PIGG: variants seen among roughly 807,000 people sequenced by gnomAD.
PIGG encodes the protein phosphatidylinositol glycan anchor biosynthesis class G (EMM blood group).
Under a neutral mutation model 83.2 loss-of-function variants are expected in PIGG, and 70 were observed. That is an observed-to-expected ratio of 0.84 (90% CI 0.69 to 1.03). The LOEUF (loss-of-function observed/expected upper bound fraction) is 1.03. Ranked by LOEUF, PIGG falls within the 50% of genes least tolerant of loss-of-function variation. The pLI is 0.00. For synonymous variants in PIGG, 532 were observed against 519.5 expected (o/e 1.02, Z -0.33); for missense variants, 1,257 against 1,233.6 (o/e 1.02, Z -0.28).
chr4:536,240 G>T, intron 12 of PIGG: 1 of 152,424 alleles, frequency 6.6e-6, no homozygotes, highest in Non-Finnish European at 1.5e-5. Context: ...AGCAGTGATA[G>T]GCGCGTGCCT....
intron 12 of PIGG, among the ~76,000 whole-genome samples, chr4:536,079 T>C (rs11940914): frequency 0.19 from 28,773 of 152,218 alleles, 3,304 homozygotes; most frequent in African/African-American, 0.33. Context: ...CGTCCTGTGT[T>C]GAGGCTCTCA....
chr4:507,447 AGAG>A lies in PIGG; in HGVS notation c.617_619del (p.Gly206del). 2 of 1,614,066 alleles carry A rather than the reference AGAG, an allele frequency of 1.2e-6. No individual in the cohort carries two copies. The highest frequency in any genetic ancestry group is 8.5e-7 in the Non-Finnish European group (1 of 1,179,918). ...GAGGCATTTGGATAAAGTATTAAAA[AGAG>A]GAGATTGGGACATATTAATCCTCCA... On this transcript the variant is annotated inframe_deletion, in exon 4 of 13. Coordinates refer to ENST00000453061, the MANE Select transcript of PIGG (RefSeq NM_001127178.3).
At chr4:507,256 A>G (rs2108799879) in intron 3 of PIGG, 149 bp from the exon 4 acceptor site, 1 of 625,704 alleles carries the variant, frequency 1.6e-6, no homozygotes, top group Non-Finnish European at 2.9e-6. Flanking sequence ...TTTATTTTTA[A>G]TGACATAGAT....
rs1727892190 is a variant in PIGG, at chr4:527,229, A to G, written c.2260A>G (p.Lys754Glu). ...PWRPDSKDIS[K>E]GIIEARFVYV... is the part of the protein sequence containing the mutation. ...GCGGCCGGACAGCAAGGACATTTCC[A>G]AGTAAGTGCGTGGCGGACACGGGGT... The change falls in exon 10 of 13, where the codon AAG becomes GAG. Residue 754 changes from lysine to glutamate, a missense_variant and splice_region_variant. Lys to Glu is a moderately conservative substitution (Grantham distance 56). Transcript: ENST00000453061. 3 of 1,585,348 alleles carry G rather than the reference A, an allele frequency of 1.9e-6. No individual in the cohort carries two copies. Among genetic ancestry groups the G allele is most frequent in the Non-Finnish European group, 2.6e-6 (3 of 1,165,910 alleles).
intron 8 of PIGG, chr4:522,331 C>T: frequency 2.3e-6 from 1 of 441,168 alleles, no homozygotes; most frequent in South Asian, 3.2e-5. Flanking sequence ...GACAATCGGC[C>T]TGGACACTCA....
rs1728848974 is a variant in PIGG, at chr4:530,742, T to G, written c.2568T>G (p.Phe856Leu). Reference sequence around the variant, plus strand: ...GGTTTGGTCAAGCATTCTTCTATTTTCAGGTAGGTTTTCATTATTATCATG... The same window carrying G: ...GGTTTGGTCAAGCATTCTTCTATTTGCAGGTAGGTTTTCATTATTATCATG... ...HYWFGQAFFY[F>L]QGNSNNIATV... is the part of the protein sequence containing the mutation. The change falls in exon 11 of 13, where the codon TTT (phenylalanine) becomes TTG (leucine). Residue 856 changes from phenylalanine (F) to leucine (L), a missense_variant. By Grantham distance (22) the Phe-to-Leu change is conservative (BLOSUM62 0). Transcript: ENST00000453061. The G allele has an allele frequency of 1.9e-6, 3 of 1,597,528 alleles. No individual in the cohort carries two copies. The highest frequency in any genetic ancestry group is 2.6e-6 in the Non-Finnish European group (3 of 1,166,656).
chr4:513,032 C>T (rs191549012), intron 5 of PIGG, among the ~76,000 whole-genome samples: 30 of 152,258 alleles, frequency 2.0e-4, no homozygotes, highest in African/African-American at 6.5e-4. Context: ...AGTTTCTGCC[C>T]CACTGGGCTA....
rs548028831 is a variant in PIGG at position 515,815 on chromosome 4, C to T, written c.902-158C>T. On this transcript the variant is annotated intron_variant, in intron 5 of 12. Transcript: ENST00000453061. This position sits in a 1 kb window ranked among gnomAD's most constrained non-coding sequence, Gnocchi z 4.2. ...AGAATGGGTTCGGTAACTATCAACA[C>T]AGCAAGCACAGGAGGTGATTCCTGT... 6.6e-6 allele frequency among the ~76,000 whole-genome samples: 1 copy of T among 152,352 alleles called. No homozygotes were observed. Among genetic ancestry groups the T allele is most frequent in the Non-Finnish European group, 1.5e-5 (1 of 68,042 alleles).
Position 507,527 on chromosome 4 carries a change from G to A in PIGG, c.693G>A (p.Leu231=). The A allele has an allele frequency of 6.2e-7, 1 of 1,614,200 alleles. No individual in the cohort carries two copies. Among genetic ancestry groups the A allele is most frequent in the Non-Finnish European group, 8.5e-7 (1 of 1,180,020 alleles). Residue 231 remains leucine, a synonymous_variant, in exon 4 of 13, where the codon CTG becomes CTA. Coordinates refer to ENST00000453061, the MANE Select transcript of PIGG (RefSeq NM_001127178.3). ...IGHISGPNSP[L]IGQKLSEMDS... ...ACATTTCAGGGCCCAACAGCCCCCT[G>A]ATTGGGCAGAAGCTGAGCGAGATGG...
rs1321345097 is a variant in PIGG, at chr4:516,161, G to A, written c.1090G>A (p.Glu364Lys). The A allele has an allele frequency of 6.2e-7, 1 of 1,613,356 alleles. No homozygotes were observed. Among genetic ancestry groups the A allele is most frequent in the African/African-American group, 1.3e-5 (1 of 74,934 alleles). ...NTVQLSKLLQENVPSYEKDPG... is the reference protein window; with the variant it reads ...NTVQLSKLLQKNVPSYEKDPG... ...AGTGCAGCTTAGTAAACTGTTGCAA[G>A]AGAATGTGCCGTCATATGAAAAAGG... The change falls in exon 6 of 13, where the codon GAG becomes AAG. Residue 364 changes from glutamate (E) to lysine (K), a missense_variant. Physicochemically the swap from Glu to Lys is moderately conservative, Grantham distance 56. Transcript: ENST00000453061.
At chr4:537,832 C>G (rs1343463700) in intron 12 of PIGG, among the ~76,000 whole-genome samples, 1 of 152,190 alleles carries the variant, frequency 6.6e-6, no homozygotes, top group Non-Finnish European at 1.5e-5. Flanking sequence ...TGTGGAGGGG[C>G]CAGAGACAGC....
chr4:522,127 TC>T (rs1726143307), intron 8 of PIGG, 186 bp downstream of exon 8: 7 of 660,310 alleles, frequency 1.1e-5, no homozygotes, highest in Middle Eastern at 2.8e-4. Flanking sequence ...CCTCTGGGTG[TC>T]CCGACACAGG....
At position 539,935 on chromosome 4, in the gene PIGG, TG is replaced by T. The variant is rs1206043997; in HGVS notation, c.*571del. 6.6e-6 allele frequency: 1 copy of T among 151,744 alleles called. No homozygotes were observed. Among genetic ancestry groups the T allele is most frequent in the Non-Finnish European group, 1.5e-5 (1 of 68,018 alleles). The allele number at this position is 151,744 out of a possible 1,614,324, so 9.4% of individuals were successfully genotyped here. ...GACCCAGCACTTTGGGAGGCCAGAG[TG>T]GGGGTATCACTTGAGCCCAGGTGTT... On this transcript the variant is annotated 3_prime_UTR_variant, in exon 13 of 13. Coordinates refer to ENST00000453061, the MANE Select transcript of PIGG (RefSeq NM_001127178.3).
At chr4:531,029 T>C in intron 11 of PIGG, 1 of 411,702 alleles carries the variant, frequency 2.4e-6, no homozygotes, top group South Asian at 4.2e-5. Flanking sequence ...GACATCACGT[T>C]GTTCACTTGC....
intron 5 of PIGG, among the ~76,000 whole-genome samples, chr4:514,433 C>A (rs538713762): frequency 6.6e-6 from 1 of 152,298 alleles, no homozygotes; most frequent in African/African-American, 2.4e-5. Context: ...CTCTGTAAAT[C>A]TGTAGGTCCC....
At position 508,876 on chromosome 4, in the gene PIGG, T is replaced by C; in HGVS notation, c.807T>C (p.His269=). 6.2e-7 allele frequency: 1 copy of C among 1,613,840 alleles called. No homozygotes were observed. Among genetic ancestry groups the C allele is most frequent in the Non-Finnish European group, 8.5e-7 (1 of 1,179,736 alleles). The change falls in exon 5 of 13, where the codon CAT becomes CAC. Residue 269 remains histidine (H), a synonymous_variant. Coordinates refer to ENST00000453061, the MANE Select transcript of PIGG (RefSeq NM_001127178.3). ...ATTTGCTGGTTCTTTGTGGTGACCA[T>C]GGCATGTCTGAAACAGGAAGTCACG... ...LPNLLVLCGD[H]GMSETGSHGA...
intron 6 of PIGG, among the ~76,000 whole-genome samples, chr4:516,627 G>T (rs918091478): frequency 6.6e-6 from 1 of 152,152 alleles, no homozygotes; most frequent in Non-Finnish European, 1.5e-5. Flanking sequence ...GGAGGCCAAG[G>T]CAGGCGGATC....
rs1553880469 is a variant in PIGG, at chr4:507,592, A to G, written c.758A>G (p.Lys253Arg). 6.2e-7 allele frequency: 1 copy of G among 1,609,144 alleles called. No individual in the cohort carries two copies. The highest frequency in any genetic ancestry group is 8.5e-7 in the Non-Finnish European group (1 of 1,177,092). ...AAGATCCACACCTCACTGCAGTCGAAGGTGAGGCTCGCCGTCGCTCACTGT... is the reference window on the plus strand; with the variant it reads ...AAGATCCACACCTCACTGCAGTCGAGGGTGAGGCTCGCCGTCGCTCACTGT... ...LMKIHTSLQS[K>R]ERETPLPNLL... is the part of the protein sequence containing the mutation. The change falls in exon 4 of 13, where the codon AAG becomes AGG. Residue 253 changes from lysine to arginine, a missense_variant and splice_region_variant. Transcript: ENST00000453061.
At chr4:508,178 T>C (rs1553880994) in intron 4 of PIGG, among the ~76,000 whole-genome samples, 1 of 152,214 alleles carries the variant, frequency 6.6e-6, no homozygotes, top group African/African-American at 2.4e-5. Context: ...TGATGGGTGC[T>C]GCAGAAACTC....
Sources: allele counts gnomAD v4.1 joint callset (sites outside exome capture counted in the v4.1 genomes callset), GRCh38; gene constraint gnomAD v4.1.1; non-coding constraint Gnocchi (gnomAD v3.1); transcripts MANE v1.5; gene names NCBI Gene and HGNC (gene_info 2026-07-23, HGNC 2026-07-21).